The following CACNA1C variants were observed in gnomAD, a reference collection of about 807,000 sequenced individuals.
The protein encoded by CACNA1C is calcium voltage-gated channel subunit alpha1 C, also known as voltage-dependent L-type calcium channel subunit alpha-1C.
A neutral mutation model predicts 229.0 loss-of-function variants in CACNA1C; 30 were observed. The observed-to-expected ratio is 0.13, with a 90% confidence interval of 0.10 to 0.18. The LOEUF is 0.18. CACNA1C is among the 10% of genes least tolerant of loss of function. The probability of loss-of-function intolerance (pLI) is 1.00; values close to 1 mark genes in which losing one functional copy is unlikely to be tolerated. For synonymous variants in CACNA1C, 1,114 were observed against 1,132.5 expected, an observed-to-expected ratio of 0.98 and a Z score of 0.33; for missense variants, 1,658 against 2,845.0, an observed-to-expected ratio of 0.58 and a Z score of 9.49.
rs540031602 is a variant in CACNA1C, at chr12:1,985,950, G to A, written c.139+14749G>A. Among the ~76,000 whole-genome samples, 1,294 of 152,178 alleles carry A rather than the reference G, an allele frequency of 8.5e-3. 9 individuals are homozygous for A. The highest frequency in any genetic ancestry group is 0.017 in the Middle Eastern group (5 of 294). ...CTCAGCCTCCCAAGTAGCTGGGACT[G>A]CAGGTGCCTGCCACCACACTTGGCT... On this transcript the variant is annotated intron_variant, in intron 1 of 46. Transcript: ENST00000682462.
At chr12:2,505,980 C>A (rs1182274290) in intron 8 of CACNA1C, among the ~76,000 whole-genome samples, 1 of 152,090 alleles carries the variant, frequency 6.6e-6, no homozygotes, top group Non-Finnish European at 1.5e-5. Context: ...TCTCCACTTT[C>A]CCCCAGTACC....
intron 3 of CACNA1C, among the ~76,000 whole-genome samples, chr12:2,199,756 C>T (rs2097530205): frequency 1.3e-5 from 2 of 152,164 alleles, no homozygotes. Flanking sequence ...GTTACCACCA[C>T]AGAGAGGCCT....
chr12:2,481,092 C>T (rs981845106), intron 5 of CACNA1C, among the ~76,000 whole-genome samples: 2 of 152,226 alleles, frequency 1.3e-5, no homozygotes, highest in Non-Finnish European at 2.9e-5. Context: ...TCATTTTCCT[C>T]TGCTCATAAA....
chr12:2,525,441 G>C (rs1469540417), intron 9 of CACNA1C, among the ~76,000 whole-genome samples: 2 of 152,206 alleles, frequency 1.3e-5, no homozygotes, highest in Non-Finnish European at 2.9e-5. Context: ...AGGAATGATG[G>C]AGGAGGTTGT....
intron 1 of CACNA1C, among the ~76,000 whole-genome samples, chr12:2,016,224 G>C (rs2045336443): frequency 1.3e-5 from 2 of 152,118 alleles, no homozygotes; most frequent in South Asian, 4.2e-4. Flanking sequence ...TTTCCTGAGT[G>C]TCTTATTAGG....
At chr12:2,360,106 G>A (rs1460998981) in intron 3 of CACNA1C, among the ~76,000 whole-genome samples, 1 of 151,354 alleles carries the variant, frequency 6.6e-6, no homozygotes, top group Non-Finnish European at 1.5e-5. Flanking sequence ...AGAGTTTCTG[G>A]GAGGAAAGTC....
chr12:2,654,042 G>T lies in CACNA1C; in HGVS notation c.4140+142G>T. ...CTCTCCCTCCTCTTCCATTTTCTGA[G>T]GCCCAAAAAGCCACAGGAATTGGAA... On this transcript the variant is annotated intron_variant, in intron 33 of 46. Transcript: ENST00000399655. This position sits in a 1 kb window ranked among gnomAD's most constrained non-coding sequence, Gnocchi z 4.4. 1.4e-6 allele frequency: 1 copy of T among 693,514 alleles called. No homozygotes were observed. 43.0% of individuals were successfully genotyped at this position (693,514 alleles called of 1,614,324 possible).
chr12:2,564,127 T>G (rs140327631), intron 11 of CACNA1C, among the ~76,000 whole-genome samples: 59 of 152,316 alleles, frequency 3.9e-4, no homozygotes, highest in African/African-American at 1.4e-3. Flanking sequence ...CATCCAGACT[T>G]AGTATGCCAC....
chr12:2,000,922 G>A (rs965460716), intron 1 of CACNA1C, among the ~76,000 whole-genome samples: 2 of 151,954 alleles, frequency 1.3e-5, no homozygotes, highest in Non-Finnish European at 1.5e-5. Context: ...CTGTAATCCT[G>A]GATACTCTGG....
In CACNA1C at chr12:2,461,867, C is replaced by T. The variant is rs141944279; in HGVS notation, c.757+4161C>T. 4.3e-4 allele frequency among the ~76,000 whole-genome samples: 65 copies of T among 152,292 alleles called. No individual in the cohort carries two copies. In the East Asian group the frequency reaches 0.01, roughly 24 times the overall value. On this transcript the variant is annotated intron_variant, in intron 5 of 46. Transcript: ENST00000399655. Reference sequence around the variant, plus strand: ...CCCTCGCCTCCGTCCTGGATGATGGCGACAGCCTCCTGCAGGAGTCTCTGC... The same window carrying T: ...CCCTCGCCTCCGTCCTGGATGATGGTGACAGCCTCCTGCAGGAGTCTCTGC...
At chr12:2,557,035 C>G in intron 11 of CACNA1C, 58 bp downstream of exon 11, 1 of 1,497,876 alleles carries the variant, frequency 6.7e-7, no homozygotes, top group Non-Finnish European at 9.3e-7. Flanking sequence ...TCTTCAGCCA[C>G]CCTGTTGGGT....
chr12:2,177,931 G>A (rs74238853), intron 3 of CACNA1C, among the ~76,000 whole-genome samples: 12,637 of 152,000 alleles, frequency 0.083, 890 homozygotes, highest in African/African-American at 0.19. Flanking sequence ...GCCACTGCCC[G>A]TGGCTGATTT....
chr12:2,594,130 G>A (rs900556217), intron 19 of CACNA1C, among the ~76,000 whole-genome samples: 1 of 152,186 alleles, frequency 6.6e-6, no homozygotes, highest in Non-Finnish European at 1.5e-5. Context: ...ATATTCTGTT[G>A]CCTTTGTGGT....
intron 1 of CACNA1C, among the ~76,000 whole-genome samples, chr12:2,035,924 C>G (rs566466361): frequency 6.6e-6 from 1 of 152,202 alleles, no homozygotes; most frequent in Admixed American, 6.5e-5. Flanking sequence ...AGTCTTTTTC[C>G]TTGAGGGTAG....
In CACNA1C at chr12:2,350,473, A is replaced by C. The variant is rs575108589; in HGVS notation, c.478-98503A>C. 2.6e-4 allele frequency among the ~76,000 whole-genome samples: 39 copies of C among 152,372 alleles called. No individual in the cohort carries two copies. The South Asian group carries it at 7.9e-3, about 31-fold the overall frequency. On this transcript the variant is annotated intron_variant, in intron 3 of 46. Transcript: ENST00000399655. ...GATTTCAGCCAGACAGTCTGGCTCCAGAATCTGTCTCTTTCATCTCTAAGC... is the reference window on the plus strand; with the variant it reads ...GATTTCAGCCAGACAGTCTGGCTCCCGAATCTGTCTCTTTCATCTCTAAGC...
chr12:2,282,879 C>G (rs1172281776), intron 3 of CACNA1C, among the ~76,000 whole-genome samples: 1 of 152,200 alleles, frequency 6.6e-6, no homozygotes, highest in Non-Finnish European at 1.5e-5. Context: ...TTTCCACTTC[C>G]TTATACTAAG....
intron 3 of CACNA1C, among the ~76,000 whole-genome samples, chr12:2,267,226 C>T (rs369528114): frequency 7.2e-5 from 11 of 152,078 alleles, no homozygotes; most frequent in African/African-American, 1.7e-4. Flanking sequence ...AAGGAGAACC[C>T]GGGAAATTCA....
At position 2,666,358 on chromosome 12, in the gene CACNA1C, T is replaced by A. The variant is rs2096102751; in HGVS notation, c.4527-328T>A. ...AAGATCAATCACATTCGGCTGACCC[T>A]CAGTAAATACCTTTTGGTCAGAAGG... is the stretch of plus-strand genomic sequence containing the variant. On this transcript the variant is annotated intron_variant, in intron 36 of 46. Transcript: ENST00000399655. The surrounding 1 kb of genome is among the most constrained non-coding windows in gnomAD (Gnocchi z 5.3). Among the ~76,000 whole-genome samples the A allele has an allele frequency of 6.6e-6, 1 of 152,180 alleles. No homozygotes were observed. The highest frequency in any genetic ancestry group is 1.5e-5 in the Non-Finnish European group (1 of 68,040).
At position 2,691,035 on chromosome 12, in the gene CACNA1C, G is replaced by A. The variant is rs2097780609; in HGVS notation, c.6253G>A (p.Gly2085Ser). 3 of 1,603,324 alleles carry A rather than the reference G, an allele frequency of 1.9e-6. No individual in the cohort carries two copies. The highest frequency in any genetic ancestry group is 1.3e-5 in the African/African-American group (1 of 74,672). The change falls in exon 47 of 47, where the codon GGC becomes AGC. Residue 2085 changes from glycine (G) to serine (S), a missense_variant. Physicochemically the swap from Gly to Ser is moderately conservative, Grantham distance 56. This residue lies in a region of CACNA1C where 590 missense variants were observed against 700.8 expected (regional missense o/e 0.84). Coordinates refer to ENST00000399655, the MANE Select transcript of CACNA1C (RefSeq NM_000719.7). ...ESAADNILSG[G>S]APQSPNGALL... Reference sequence around the variant, plus strand: ...CGCGGCCGACAACATCCTCAGCGGGGGCGCCCCACAGAGCCCCAATGGCGC... The same window carrying A: ...CGCGGCCGACAACATCCTCAGCGGGAGCGCCCCACAGAGCCCCAATGGCGC...
Sources: gnomAD v4.1 joint callset for allele counts (sites outside exome capture counted in the v4.1 genomes callset) on GRCh38, gnomAD v4.1.1 for gene constraint, gnomAD v4.1.1 regional missense constraint, Gnocchi (gnomAD v3.1) non-coding constraint, MANE v1.5 for transcripts, NCBI Gene and HGNC (gene_info 2026-07-23, HGNC 2026-07-21) for gene names.